BAIAP2L1: variants seen among roughly 807,000 people sequenced by gnomAD.
The protein encoded by BAIAP2L1 is BAR/IMD domain-containing adapter protein 2-like 1.
Under a neutral mutation model 66.3 loss-of-function variants are expected in BAIAP2L1, and 35 were observed. The observed-to-expected ratio is 0.53, with a 90% confidence interval of 0.40 to 0.70. BAIAP2L1 has a LOEUF of 0.70. Among genes scored for constraint, BAIAP2L1 ranks in the 30% least tolerant of loss-of-function variants. The probability of loss-of-function intolerance (pLI) is 0.00; values close to 1 mark genes in which losing one functional copy is unlikely to be tolerated. For missense variants in BAIAP2L1, 622 were observed against 656.9 expected (o/e 0.95, Z 0.58); for synonymous variants, 269 against 248.7 (o/e 1.08, Z -0.77).
chr7:98,368,933 G>A (rs533758154), intron 1 of BAIAP2L1, among the ~76,000 whole-genome samples: 3 of 151,804 alleles, frequency 2.0e-5, no homozygotes, highest in East Asian at 1.9e-4. Context: ...ATGAGCGATC[G>A]CATACAGGTT....
intron 3 of BAIAP2L1, among the ~76,000 whole-genome samples, chr7:98,350,110 AG>A (rs544770755): frequency 2.5e-4 from 38 of 150,674 alleles, no homozygotes; most frequent in Admixed American, 5.9e-4. Context: ...TGCCTCAAAA[AG>A]GGGGGAAAAA....
At chr7:98,361,366 AAAAGAAAGAAAG>A (rs71515214) in intron 2 of BAIAP2L1, among the ~76,000 whole-genome samples, 23 of 151,630 alleles carry the variant, frequency 1.5e-4, no homozygotes, top group Non-Finnish European at 3.1e-4. Context: ...GGGAAAAAAA[AAAAGAAAGAAAG>A]AAAGAAAGAA....
chr7:98,355,018 T>C (rs767512216), intron 3 of BAIAP2L1, 24 bp downstream of exon 3: 1 of 1,578,572 alleles, frequency 6.3e-7, no homozygotes. Flanking sequence ...GTGGGGTTTA[T>C]GTATAAAGGG....
chr7:98,366,779 T>TC (rs999701790), intron 1 of BAIAP2L1, among the ~76,000 whole-genome samples: 2 of 152,132 alleles, frequency 1.3e-5, no homozygotes, highest in Admixed American at 6.6e-5. Context: ...GCCAGCCAAC[T>TC]CCCCCACGAT....
At chr7:98,335,489 G>A (rs1034968241) in intron 3 of BAIAP2L1, among the ~76,000 whole-genome samples, 1 of 152,132 alleles carries the variant, frequency 6.6e-6, no homozygotes, top group East Asian at 1.9e-4. Flanking sequence ...TGCGTTGCAG[G>A]TATCTTGAAG....
intron 1 of BAIAP2L1, among the ~76,000 whole-genome samples, chr7:98,372,868 T>C (rs1014897895): frequency 3.4e-5 from 5 of 148,482 alleles, no homozygotes; most frequent in Admixed American, 2.8e-4. Flanking sequence ...GCCTAAGGAG[T>C]AGGTGGGATT....
chr7:98,388,240 C>T (rs1199841087), intron 1 of BAIAP2L1, among the ~76,000 whole-genome samples: 5 of 152,182 alleles, frequency 3.3e-5, no homozygotes, highest in Admixed American at 6.5e-5. Context: ...GACTAAAGCA[C>T]ATCAAATGAA....
intron 3 of BAIAP2L1, among the ~76,000 whole-genome samples, chr7:98,331,648 A>G (rs1389732187): frequency 6.6e-6 from 1 of 151,828 alleles, no homozygotes; most frequent in Non-Finnish European, 1.5e-5. Context: ...TCGTATTTTT[A>G]GTAGAGATGG....
chr7:98,389,509 C>T (rs1480634399), intron 1 of BAIAP2L1, among the ~76,000 whole-genome samples: 2 of 151,878 alleles, frequency 1.3e-5, no homozygotes, highest in Non-Finnish European at 2.9e-5. Flanking sequence ...TTAGTAGAGA[C>T]GGGGTTTCAC....
At chr7:98,323,048 CG>C (rs1159252351) in intron 3 of BAIAP2L1, 1 of 152,270 alleles carries the variant, frequency 6.6e-6, no homozygotes, top group East Asian at 1.9e-4. Flanking sequence ...TGGCTAAACA[CG>C]GGGAGTAAAG....
chr7:98,325,051 C>G (rs1428081636), intron 3 of BAIAP2L1, among the ~76,000 whole-genome samples: 1 of 152,168 alleles, frequency 6.6e-6, no homozygotes, highest in Admixed American at 6.5e-5. Flanking sequence ...TAGTACTGTT[C>G]TAAAGCTATG....
intron 12 of BAIAP2L1, among the ~76,000 whole-genome samples, chr7:98,303,619 C>T (rs967048372): frequency 6.6e-6 from 1 of 152,222 alleles, no homozygotes; most frequent in African/African-American, 2.4e-5. Flanking sequence ...AGAGCCCACA[C>T]CAGGGCCTCT....
At chr7:98,361,623 C>T (rs780817728) in intron 2 of BAIAP2L1, among the ~76,000 whole-genome samples, 4 of 152,116 alleles carry the variant, frequency 2.6e-5, no homozygotes, top group Non-Finnish European at 5.9e-5. Context: ...ATCACAAAGA[C>T]AGGCCAATAG....
At chr7:98,304,800 G>A (rs1800575121) in intron 11 of BAIAP2L1, among the ~76,000 whole-genome samples, 2 of 151,666 alleles carry the variant, frequency 1.3e-5, no homozygotes, top group East Asian at 2.0e-4. Flanking sequence ...ATTACAGCAT[G>A]AGCCACCACA....
intron 5 of BAIAP2L1, among the ~76,000 whole-genome samples, chr7:98,319,814 G>C (rs548742294): frequency 1.1e-4 from 16 of 152,312 alleles, no homozygotes; most frequent in African/African-American, 3.6e-4. Context: ...GCCTCCCAAA[G>C]TGCTGGGATT....
chr7:98,332,809 CAAAAAAA>C (rs55756451), intron 3 of BAIAP2L1, among the ~76,000 whole-genome samples: 1 of 83,706 alleles, frequency 1.2e-5, no homozygotes, highest in African/African-American at 4.8e-5. Flanking sequence ...ACTTCGTCCC[CAAAAAAA>C]AAAAAAAAAA....
chr7:98,398,639 A>G (rs574779963), intron 1 of BAIAP2L1, among the ~76,000 whole-genome samples: 2 of 152,290 alleles, frequency 1.3e-5, no homozygotes, highest in South Asian at 4.1e-4. Context: ...AATACGTATA[A>G]CCAAAATGAT....
chr7:98,362,316 G>C lies in BAIAP2L1; in HGVS notation c.127+41C>G, dbSNP rs199505002. The C allele has an allele frequency of 5.0e-6, 7 of 1,400,296 alleles. No homozygotes were observed. The East Asian group carries it at 1.4e-4, about 27-fold the overall frequency. 86.7% of individuals were successfully genotyped at this position (1,400,296 alleles called of 1,614,324 possible). ...ATTTAAAAATAATTACATATTTACT[G>C]AGTGGCTTTATATATAATCAATTCA... On this transcript the variant is annotated intron_variant, in intron 2 of 13. Transcript: ENST00000005260.
At chr7:98,311,396 T>C (rs1800863183) in intron 8 of BAIAP2L1, among the ~76,000 whole-genome samples, 1 of 151,100 alleles carries the variant, frequency 6.6e-6, no homozygotes, top group Non-Finnish European at 1.5e-5. Flanking sequence ...ACAAAAAAAT[T>C]AGCCAGGCAT....
Sources: gnomAD v4.1 joint callset for allele counts (sites outside exome capture counted in the v4.1 genomes callset) on GRCh38, gnomAD v4.1.1 for gene constraint, MANE v1.5 for transcripts, NCBI Gene and HGNC (gene_info 2026-07-23, HGNC 2026-07-21) for gene names.